DLG2: variants seen among roughly 807,000 people sequenced by gnomAD.
DLG2 encodes the protein discs large MAGUK scaffold protein 2.
In DLG2, 45 loss-of-function variants were observed where a neutral mutation model predicts 132.5. The observed-to-expected ratio is 0.34, with a 90% CI of 0.27 to 0.44. The LOEUF (loss-of-function observed/expected upper bound fraction) is 0.44. DLG2 is among the 20% of genes least tolerant of loss of function. The probability of loss-of-function intolerance (pLI) is 1.00; values close to 1 mark genes in which losing one functional copy is unlikely to be tolerated. For synonymous variants in DLG2, 424 were observed against 419.6 expected (o/e 1.01, Z -0.13); for missense variants, 1,045 against 1,196.9 (o/e 0.87, Z 1.87).
At chr11:84,642,239 C>T (rs2099668199) in intron 6 of DLG2, among the ~76,000 whole-genome samples, 1 of 151,212 alleles carries the variant, frequency 6.6e-6, no homozygotes, top group Non-Finnish European at 1.5e-5. Context: ...TCCTCAATGA[C>T]TTTCAAACTT....
intron 18 of DLG2, among the ~76,000 whole-genome samples, chr11:83,636,525 G>C (rs1364045771): frequency 6.6e-6 from 1 of 152,002 alleles, no homozygotes; most frequent in East Asian, 1.9e-4. Flanking sequence ...CTAATTCCAA[G>C]GCTTTATTTC....
At chr11:85,248,299 C>T (rs961458516) in intron 4 of DLG2, among the ~76,000 whole-genome samples, 1 of 152,016 alleles carries the variant, frequency 6.6e-6, no homozygotes, top group Non-Finnish European at 1.5e-5. Context: ...CATATTTATA[C>T]CTTTTTGTTG....
intron 6 of DLG2, among the ~76,000 whole-genome samples, chr11:84,993,605 C>T (rs1186927707): frequency 6.6e-6 from 1 of 152,196 alleles, no homozygotes; most frequent in African/African-American, 2.4e-5. Context: ...TCGCCACTGC[C>T]TCCTACTGTC....
At chr11:84,107,493 A>T (rs368906341) in intron 9 of DLG2, among the ~76,000 whole-genome samples, 2 of 151,782 alleles carry the variant, frequency 1.3e-5, no homozygotes, top group Non-Finnish European at 1.5e-5. Context: ...TCCATCTTTA[A>T]TTTTCCTTAT....
At chr11:84,218,639 A>C (rs1012632043) in intron 8 of DLG2, among the ~76,000 whole-genome samples, 23 of 152,196 alleles carry the variant, frequency 1.5e-4, no homozygotes, top group Non-Finnish European at 3.2e-4. Flanking sequence ...CTTAAAATGA[A>C]AGGATCCTGG....
At chr11:83,805,416 A>T (rs2045645558) in intron 17 of DLG2, among the ~76,000 whole-genome samples, 1 of 151,804 alleles carries the variant, frequency 6.6e-6, no homozygotes, top group East Asian at 1.9e-4. Flanking sequence ...TCATGACATA[A>T]TTTTTTATAT....
At chr11:84,386,388 C>A (rs2098770356) in intron 7 of DLG2, among the ~76,000 whole-genome samples, 1 of 151,994 alleles carries the variant, frequency 6.6e-6, no homozygotes, top group Non-Finnish European at 1.5e-5. Context: ...AACTCTGTAA[C>A]TAATTTCTTA....
intron 9 of DLG2, among the ~76,000 whole-genome samples, chr11:84,152,964 T>G (rs1207543297): frequency 1.3e-5 from 2 of 152,226 alleles, no homozygotes; most frequent in African/African-American, 2.4e-5. Flanking sequence ...CTTAAGTGTG[T>G]TGCTGTGGTA....
At chr11:83,520,604 A>G (rs12807788) in intron 21 of DLG2, among the ~76,000 whole-genome samples, 1 of 143,756 alleles carries the variant, frequency 7.0e-6, no homozygotes, top group Non-Finnish European at 1.6e-5. Context: ...GATAGATAGA[A>G]AGACAGACAG....
chr11:84,326,782 T>A (rs2098435276), intron 7 of DLG2, among the ~76,000 whole-genome samples: 1 of 152,176 alleles, frequency 6.6e-6, no homozygotes, highest in Admixed American at 6.5e-5. Context: ...CAATCCTCTG[T>A]CTGGATACTC....
At chr11:84,860,327 T>C (rs567159564) in intron 6 of DLG2, among the ~76,000 whole-genome samples, 1 of 152,222 alleles carries the variant, frequency 6.6e-6, no homozygotes, top group East Asian at 1.9e-4. Flanking sequence ...ACCTCAACAC[T>C]AATCCCAGTG....
rs367828518 is a variant in DLG2, at chr11:85,256,684, C to T, written c.186+28536G>A. On this transcript the variant is annotated intron_variant, in intron 4 of 27. Coordinates refer to ENST00000376104, the MANE Select transcript of DLG2 (RefSeq NM_001142699.3). ...TGTAAGGGGGTTTGAGCTCACATGG[C>T]GGCCAAACAGAGGAGCCACGCCCCT... is the stretch of plus-strand genomic sequence containing the variant. Among the ~76,000 whole-genome samples the T allele has an allele frequency of 4.3e-4, 65 of 152,110 alleles. No individual in the cohort carries two copies. The East Asian group carries it at 0.011, about 25-fold the overall frequency.
intron 7 of DLG2, among the ~76,000 whole-genome samples, chr11:84,286,209 T>C (rs2097908423): frequency 6.6e-6 from 1 of 152,210 alleles, no homozygotes; most frequent in Non-Finnish European, 1.5e-5. Context: ...CACAGAAATA[T>C]ACACCTAGCT....
At chr11:84,191,828 T>C (rs1023124983) in intron 8 of DLG2, among the ~76,000 whole-genome samples, 2 of 152,146 alleles carry the variant, frequency 1.3e-5, no homozygotes, top group African/African-American at 2.4e-5. Flanking sequence ...GGACATTTAG[T>C]TAAGCTTAAC....
intron 6 of DLG2, among the ~76,000 whole-genome samples, chr11:84,996,782 G>A (rs1049908931): frequency 3.3e-5 from 5 of 152,150 alleles, no homozygotes; most frequent in South Asian, 2.1e-4. Flanking sequence ...CTTTCAGGAT[G>A]AGCACATTTC....
At chr11:84,628,095 C>T (rs368836362) in intron 6 of DLG2, among the ~76,000 whole-genome samples, 26 of 128,056 alleles carry the variant, frequency 2.0e-4, no homozygotes, top group African/African-American at 5.4e-4. Context: ...TATGTACACA[C>T]ATATATACAC....
intron 7 of DLG2, among the ~76,000 whole-genome samples, chr11:84,493,250 A>G (rs1474433295): frequency 6.6e-6 from 1 of 152,126 alleles, no homozygotes; most frequent in East Asian, 1.9e-4. Context: ...GCAGAGGCTC[A>G]GATTCTTGAT....
At chr11:84,395,887 T>C (rs1050620502) in intron 7 of DLG2, among the ~76,000 whole-genome samples, 6 of 151,996 alleles carry the variant, frequency 3.9e-5, no homozygotes, top group African/African-American at 1.5e-4. Flanking sequence ...CATAGTCCAC[T>C]ATTTGTCAGA....
In DLG2 at chr11:85,494,044, G is replaced by A. The variant is rs138171225; in HGVS notation, c.40+104613C>T. Among the ~76,000 whole-genome samples, 1,393 of 152,066 alleles carry A rather than the reference G, an allele frequency of 9.2e-3. 7 individuals carry two copies. Among genetic ancestry groups the A allele is most frequent in the South Asian group, 0.024 (115 of 4,818 alleles). ...TTCATATGACAGGAGAGAAAGAAGG[G>A]TAACAGAGTGCTTCCTTCAATCTTG... On this transcript the variant is annotated intron_variant, in intron 3 of 27. Coordinates refer to ENST00000376104, the MANE Select transcript of DLG2 (RefSeq NM_001142699.3).
Sources: gnomAD v4.1 joint callset for allele counts (sites outside exome capture counted in the v4.1 genomes callset) on GRCh38, gnomAD v4.1.1 for gene constraint, MANE v1.5 for transcripts, NCBI Gene and HGNC (gene_info 2026-07-23, HGNC 2026-07-21) for gene names.